Variants in NEDD9 observed in about 807,000 individuals in gnomAD.
NEDD9 encodes the protein neural precursor cell expressed, developmentally down-regulated 9.
Under a neutral mutation model 76.6 loss-of-function variants are expected in NEDD9, and 26 were observed. The ratio of observed to expected loss-of-function variants is 0.34; its 90% confidence interval spans 0.25 to 0.47. The LOEUF (loss-of-function observed/expected upper bound fraction) is 0.47, where lower values mean the gene tolerates loss of function less well. Among genes scored for constraint, NEDD9 ranks in the 20% least tolerant of loss-of-function variants. NEDD9 has a pLI of 1.00. For synonymous variants in NEDD9, 392 were observed against 414.2 expected (o/e 0.95, Z 0.65); for missense variants, 937 against 1,058.5 (o/e 0.89, Z 1.59).
chr6:11,231,607 C>A (rs1192126886), intron 1 of NEDD9, among the ~76,000 whole-genome samples: 1 of 152,154 alleles, frequency 6.6e-6, no homozygotes, highest in African/African-American at 2.4e-5. Context: ...GCACTCATGT[C>A]TATTCATCAT....
intron 2 of NEDD9, among the ~76,000 whole-genome samples, chr6:11,331,494 G>C (rs1762037543): frequency 6.6e-6 from 1 of 152,006 alleles, no homozygotes; most frequent in Non-Finnish European, 1.5e-5. Flanking sequence ...TATGACTTAA[G>C]AATTTTTTAT....
intron 1 of NEDD9, among the ~76,000 whole-genome samples, chr6:11,336,998 A>C (rs1340057494): frequency 6.6e-6 from 1 of 152,150 alleles, no homozygotes; most frequent in Non-Finnish European, 1.5e-5. Context: ...AGGCAGGCGG[A>C]TCATGAGGTC....
chr6:11,379,869 C>T (rs571252703), intron 1 of NEDD9, among the ~76,000 whole-genome samples: 184 of 152,356 alleles, frequency 1.2e-3, no homozygotes, highest in African/African-American at 4.1e-3. Flanking sequence ...ATTTCATGCT[C>T]TATCTATGTA....
chr6:11,266,777 C>A (rs1349243267), intron 3 of NEDD9, among the ~76,000 whole-genome samples: 1 of 152,184 alleles, frequency 6.6e-6, no homozygotes, highest in Non-Finnish European at 1.5e-5. Context: ...GGTCTCTGAT[C>A]TCAACCCTAC....
chr6:11,266,242 A>G (rs1443800458), intron 3 of NEDD9, among the ~76,000 whole-genome samples: 1 of 151,570 alleles, frequency 6.6e-6, no homozygotes, highest in Admixed American at 6.6e-5. Context: ...GTGATTTTGC[A>G]CCCCTCCCCC....
intron 2 of NEDD9, among the ~76,000 whole-genome samples, chr6:11,309,268 C>T (rs1194422817): frequency 2.0e-5 from 3 of 152,234 alleles, no homozygotes. Context: ...TATGGTATTC[C>T]ACTGTATGGA....
At chr6:11,350,094 T>C (rs1179302503) in intron 1 of NEDD9, among the ~76,000 whole-genome samples, 1 of 152,138 alleles carries the variant, frequency 6.6e-6, no homozygotes, top group African/African-American at 2.4e-5. Flanking sequence ...TAATACACAA[T>C]AAACTAATTG....
chr6:11,192,086 C>G (rs1346912646), intron 4 of NEDD9, among the ~76,000 whole-genome samples: 1 of 152,190 alleles, frequency 6.6e-6, no homozygotes, highest in East Asian at 1.9e-4. Flanking sequence ...TCTTCCCTGC[C>G]AAAGGGTTAT....
chr6:11,278,157 C>A (rs1760454202), intron 3 of NEDD9, among the ~76,000 whole-genome samples: 1 of 152,308 alleles, frequency 6.6e-6, no homozygotes, highest in Non-Finnish European at 1.5e-5. Context: ...CCAGGCTAGT[C>A]AAGCTTCTCA....
At chr6:11,223,242 G>C (rs1225586979) in intron 1 of NEDD9, among the ~76,000 whole-genome samples, 1 of 152,176 alleles carries the variant, frequency 6.6e-6, no homozygotes, top group Non-Finnish European at 1.5e-5. Context: ...GAAGACTAAT[G>C]ACCATCAAAT....
chr6:11,332,605 T>G (rs1762066031), intron 2 of NEDD9, among the ~76,000 whole-genome samples: 1 of 152,222 alleles, frequency 6.6e-6, no homozygotes, highest in Non-Finnish European at 1.5e-5. Context: ...AGATGCTCCT[T>G]TGCACTCTGT....
chr6:11,286,436 A>G (rs943777848), intron 3 of NEDD9, among the ~76,000 whole-genome samples: 2 of 152,240 alleles, frequency 1.3e-5, no homozygotes, highest in Non-Finnish European at 2.9e-5. Context: ...TTAGGAATAC[A>G]CTGATCATAT....
intron 3 of NEDD9, among the ~76,000 whole-genome samples, chr6:11,261,730 G>A (rs908731253): frequency 2.0e-5 from 3 of 152,128 alleles, no homozygotes; most frequent in East Asian, 1.9e-4. Context: ...AGAATATATG[G>A]CTGTTGTGAC....
intron 2 of NEDD9, chr6:11,306,166 G>A: frequency 1.2e-6 from 1 of 802,816 alleles, no homozygotes; most frequent in South Asian, 1.6e-5. Flanking sequence ...CTGAAAACAG[G>A]AGATAGAGAT....
At chr6:11,372,969 C>T (rs1232374931) in intron 1 of NEDD9, among the ~76,000 whole-genome samples, 1 of 152,000 alleles carries the variant, frequency 6.6e-6, no homozygotes, top group Non-Finnish European at 1.5e-5. Flanking sequence ...ATTTTTAATG[C>T]TTGTCTTTGC....
chr6:11,374,219 A>C (rs1043657879), intron 1 of NEDD9, among the ~76,000 whole-genome samples: 1 of 152,146 alleles, frequency 6.6e-6, no homozygotes, highest in Admixed American at 6.6e-5. Flanking sequence ...AAGACCTCAC[A>C]ACTACTAAAG....
chr6:11,240,966 T>G (rs1213080144), intron 3 of NEDD9, among the ~76,000 whole-genome samples: 3 of 152,230 alleles, frequency 2.0e-5, no homozygotes, highest in Non-Finnish European at 4.4e-5. Context: ...GCAAAGCCTC[T>G]CTCTCCTGTT....
chr6:11,232,216 C>T (rs772045660), intron 1 of NEDD9, among the ~76,000 whole-genome samples: 1 of 152,220 alleles, frequency 6.6e-6, no homozygotes, highest in Non-Finnish European at 1.5e-5. Flanking sequence ...CCTCTGATCT[C>T]CAGTGGCTGC....
chr6:11,350,079 T>G (rs1248737754), intron 1 of NEDD9, among the ~76,000 whole-genome samples: 2 of 152,220 alleles, frequency 1.3e-5, no homozygotes, highest in African/African-American at 4.8e-5. Context: ...CAATACAGTT[T>G]GATCTAATAC....
Sources: allele counts gnomAD v4.1 joint callset (sites outside exome capture counted in the v4.1 genomes callset), GRCh38; gene constraint gnomAD v4.1.1; transcripts MANE v1.5; gene names NCBI Gene and HGNC (gene_info 2026-07-23, HGNC 2026-07-21).